TAFA2: variants seen among roughly 807,000 people sequenced by gnomAD.
The protein encoded by TAFA2 is chemokine-like protein TAFA-2.
Under a neutral mutation model 18.8 loss-of-function variants are expected in TAFA2, and 7 were observed. The observed-to-expected ratio is 0.37, with a 90% confidence interval of 0.21 to 0.70. TAFA2 has a LOEUF of 0.70. Ranked by LOEUF, TAFA2 falls within the 30% of genes least tolerant of loss-of-function variation. TAFA2 has a pLI of 0.53. For synonymous variants in TAFA2, 60 were observed against 54.2 expected (o/e 1.11, Z -0.47); for missense variants, 122 against 158.1 (o/e 0.77, Z 1.23).
intron 2 of TAFA2, among the ~76,000 whole-genome samples, chr12:61,814,493 A>G (rs1041334912): frequency 6.6e-6 from 1 of 151,202 alleles, no homozygotes; most frequent in African/African-American, 2.5e-5. Context: ...CAGGTTTTTA[A>G]AAGGCTGTAT....
chr12:62,217,181 T>C (rs11174375), intron 1 of TAFA2, among the ~76,000 whole-genome samples: 1,915 of 152,218 alleles, frequency 0.013, 22 homozygotes, highest in Non-Finnish European at 0.022. Context: ...AAGCTTTGAG[T>C]GGGGTCCAAA....
rs376898022 is a variant in TAFA2 at position 61,968,134 on chromosome 12, A to C, written c.-1-100708T>G. Among the ~76,000 whole-genome samples the C allele has an allele frequency of 5.9e-5, 9 of 151,952 alleles. No individual in the cohort carries two copies. In the East Asian group the frequency reaches 1.6e-3, roughly 26 times the overall value. On this transcript the variant is annotated intron_variant, in intron 1 of 4. Coordinates refer to ENST00000416284, the MANE Select transcript of TAFA2 (RefSeq NM_178539.5). ...ATAGCAGTAGAAAAGAAATGGTGAG[A>C]TATATAGACAATGAAATTTCAAAAA...
At chr12:62,106,447 G>A (rs563094481) in intron 1 of TAFA2, among the ~76,000 whole-genome samples, 4 of 152,152 alleles carry the variant, frequency 2.6e-5, no homozygotes, top group Non-Finnish European at 5.9e-5. Flanking sequence ...AAATTCAGAC[G>A]TTATCCAAAA....
intron 1 of TAFA2, among the ~76,000 whole-genome samples, chr12:61,881,329 A>G (rs958591664): frequency 1.3e-5 from 2 of 152,176 alleles, no homozygotes; most frequent in Admixed American, 6.5e-5. Context: ...ACAAACCCAT[A>G]TGGTACAGCC....
intron 4 of TAFA2, among the ~76,000 whole-genome samples, chr12:61,732,961 C>G (rs1380731416): frequency 6.6e-6 from 1 of 152,002 alleles, no homozygotes; most frequent in Non-Finnish European, 1.5e-5. Flanking sequence ...CTCTTATACA[C>G]TCAATCTATT....
intron 1 of TAFA2, among the ~76,000 whole-genome samples, chr12:62,172,006 G>A (rs1249058236): frequency 1.3e-5 from 2 of 152,170 alleles, no homozygotes. Context: ...AAAATGGTCA[G>A]AGTGTATCTG....
chr12:62,195,763 G>A (rs1050230590), upstream of TAFA2, among the ~76,000 whole-genome samples: 1 of 152,174 alleles, frequency 6.6e-6, no homozygotes, highest in Non-Finnish European at 1.5e-5. Context: ...CACAAGCAGA[G>A]TAGATTTATT....
At chr12:62,002,948 T>C (rs1880427720) in intron 1 of TAFA2, among the ~76,000 whole-genome samples, 1 of 152,184 alleles carries the variant, frequency 6.6e-6, no homozygotes, top group African/African-American at 2.4e-5. Flanking sequence ...ATTCTACCAA[T>C]TTTTTATGTC....
intron 1 of TAFA2, among the ~76,000 whole-genome samples, chr12:61,901,146 A>G (rs1876079982): frequency 6.6e-6 from 1 of 152,124 alleles, no homozygotes; most frequent in Non-Finnish European, 1.5e-5. Flanking sequence ...GTATTTGTAC[A>G]TATGTTCACT....
At chr12:62,147,195 C>G (rs999934597) in intron 1 of TAFA2, among the ~76,000 whole-genome samples, 1 of 149,106 alleles carries the variant, frequency 6.7e-6, no homozygotes, top group African/African-American at 2.5e-5. Flanking sequence ...AAAGGTAAGT[C>G]CTCAAACTAT....
At chr12:61,880,037 A>T (rs1413606657) in intron 1 of TAFA2, 1 of 713,750 alleles carries the variant, frequency 1.4e-6, no homozygotes, top group African/African-American at 1.7e-5. Context: ...GCAGTCCCTG[A>T]TCTCGGACAC....
At chr12:62,086,932 TAAG>T in intron 1 of TAFA2, among the ~76,000 whole-genome samples, 1 of 152,080 alleles carries the variant, frequency 6.6e-6, no homozygotes, top group Non-Finnish European at 1.5e-5. Context: ...GGTATATACA[TAAG>T]ATGGAATAAT....
At chr12:62,164,165 C>G (rs986044294) in intron 1 of TAFA2, among the ~76,000 whole-genome samples, 1 of 152,114 alleles carries the variant, frequency 6.6e-6, no homozygotes, top group African/African-American at 2.4e-5. Context: ...CTGCATAGCG[C>G]TCTTCCTTAG....
At chr12:61,801,998 A>T (rs1393679502) in intron 2 of TAFA2, among the ~76,000 whole-genome samples, 1 of 152,114 alleles carries the variant, frequency 6.6e-6, no homozygotes, top group Non-Finnish European at 1.5e-5. Context: ...ATAGCCAACA[A>T]GTATACTTTT....
At chr12:61,996,901 T>C (rs544584492) in intron 1 of TAFA2, among the ~76,000 whole-genome samples, 2 of 152,326 alleles carry the variant, frequency 1.3e-5, no homozygotes, top group South Asian at 2.1e-4. Context: ...TCAGATCAGA[T>C]GACCATAAAT....
intron 1 of TAFA2, among the ~76,000 whole-genome samples, chr12:62,189,839 T>A (rs2062609944): frequency 6.6e-6 from 1 of 152,042 alleles, no homozygotes; most frequent in South Asian, 2.1e-4. Flanking sequence ...TATCATTCAG[T>A]CAATAGTAAC....
intron 1 of TAFA2, chr12:62,023,698 T>C (rs1881221478): frequency 6.6e-6 from 1 of 152,036 alleles, no homozygotes; most frequent in Admixed American, 6.5e-5. Flanking sequence ...TGATGGCATT[T>C]TGTAGTTCTT....
chr12:61,976,580 G>T (rs1210289912), intron 1 of TAFA2, among the ~76,000 whole-genome samples: 2 of 151,494 alleles, frequency 1.3e-5, no homozygotes, highest in Non-Finnish European at 2.9e-5. Flanking sequence ...GGGTACATGT[G>T]CACAACCAGC....
intron 1 of TAFA2, among the ~76,000 whole-genome samples, chr12:61,929,158 T>TA (rs1194029215): frequency 1.4e-5 from 2 of 147,226 alleles, no homozygotes; most frequent in African/African-American, 5.1e-5. Flanking sequence ...AAAGTATAAT[T>TA]TAAAAAAAAA....
Sources: allele counts gnomAD v4.1 joint callset (sites outside exome capture counted in the v4.1 genomes callset), GRCh38; gene constraint gnomAD v4.1.1; transcripts MANE v1.5; gene names NCBI Gene and HGNC (gene_info 2026-07-23, HGNC 2026-07-21).